MRPL36: variants seen among roughly 807,000 people sequenced by gnomAD.
MRPL36 encodes large ribosomal subunit protein bL36m.
MRPL36 carries 1 observed loss-of-function variant against 2.8 expected under a neutral mutation model. The ratio of observed to expected loss-of-function variants is 0.36; its 90% CI spans 0.13 to 1.69. The LOEUF is 1.69. MRPL36 is among the 40% of genes most tolerant of loss of function. The pLI, the probability that MRPL36 is intolerant of heterozygous loss-of-function variation, is 0.35. For missense variants in MRPL36, 148 were observed against 132.7 expected (o/e 1.12, Z -0.57); for synonymous variants, 68 against 54.8 (o/e 1.24, Z -1.06).
upstream of MRPL36, among the ~76,000 whole-genome samples, chr5:1,800,675 C>T (rs1436792802): frequency 6.6e-6 from 1 of 152,200 alleles, no homozygotes; most frequent in Non-Finnish European, 1.5e-5. Flanking sequence ...TCACGTGGTC[C>T]TCAGGCTCTG....
chr5:1,799,227 C>T (rs954842998), intron 1 of MRPL36: 2 of 309,458 alleles, frequency 6.5e-6, no homozygotes, highest in African/African-American at 2.1e-5. Flanking sequence ...AGGAGCCGCT[C>T]ACTTGGCTGG....
upstream of MRPL36, chr5:1,801,366 T>A: frequency 1.9e-6 from 3 of 1,584,586 alleles, no homozygotes; most frequent in Non-Finnish European, 2.6e-6. Flanking sequence ...GCCGTGCGCA[T>A]GCGTTAGCGC....
chr5:1,801,313 C>CT, upstream of MRPL36: 1 of 1,480,446 alleles, frequency 6.8e-7, no homozygotes, highest in Non-Finnish European at 9.0e-7. Flanking sequence ...GCGCTCCCCG[C>CT]CCCCAGGGCG....
upstream of MRPL36, among the ~76,000 whole-genome samples, chr5:1,801,100 C>CT (rs1231763789): frequency 6.6e-6 from 1 of 152,258 alleles, no homozygotes; most frequent in Non-Finnish European, 1.5e-5. Flanking sequence ...CATCAGGGCC[C>CT]TAGCTCTAGC....
upstream of MRPL36, among the ~76,000 whole-genome samples, chr5:1,800,689 A>C (rs902402183): frequency 3.3e-5 from 5 of 152,224 alleles, no homozygotes; most frequent in African/African-American, 1.2e-4. Context: ...GGCTCTGACC[A>C]CAGCAAAAGA....
upstream of MRPL36, chr5:1,801,302 C>G: frequency 1.5e-6 from 2 of 1,348,940 alleles, no homozygotes; most frequent in Non-Finnish European, 1.9e-6. Flanking sequence ...TGCCCCGACC[C>G]GCGCTCCCCG....
chr5:1,801,090 C>A (rs1196014886), upstream of MRPL36, among the ~76,000 whole-genome samples: 1 of 152,262 alleles, frequency 6.6e-6, no homozygotes, highest in Non-Finnish European at 1.5e-5. Context: ...TTGCCTGCCT[C>A]ATCAGGGCCC....
In MRPL36 at chr5:1,798,614, G is replaced by A. The variant is rs778703689; in HGVS notation, c.*10C>T. 1 of 1,596,434 alleles carries A rather than the reference G, an allele frequency of 6.3e-7. No individual in the cohort carries two copies. Among genetic ancestry groups the A allele is most frequent in the Non-Finnish European group, 8.6e-7 (1 of 1,165,530 alleles). On this transcript the variant is annotated 3_prime_UTR_variant, in exon 2 of 2. Coordinates refer to ENST00000505059, the MANE Select transcript of MRPL36 (RefSeq NM_032479.4). The stretch of plus-strand genomic sequence containing the variant: ...TGACGAGTATGTGCGTGACTCTGGA[G>A]GGAAAGGGTCTACATCTGTCTCTGC...
intron 1 of MRPL36, 37 bp from the exon 2 acceptor site, chr5:1,798,984 C>T: frequency 6.8e-7 from 1 of 1,472,894 alleles, no homozygotes; most frequent in Non-Finnish European, 9.2e-7. Context: ...ATAGCTTCTC[C>T]TGCACTTCCA....
chr5:1,801,044 C>G (rs1428236275), upstream of MRPL36, among the ~76,000 whole-genome samples: 3 of 152,232 alleles, frequency 2.0e-5, no homozygotes, highest in East Asian at 5.8e-4. Context: ...ATAAGAACCA[C>G]TGGGTACTCC....
chr5:1,798,807 T>A lies in MRPL36; in HGVS notation c.129A>T (p.Glu43Asp). Reference protein sequence around the residue: ...SIRGAAPVAVEPGAAVRSLLS... With the variant: ...SIRGAAPVAVDPGAAVRSLLS... ...GAAGTGAGCGCACTGCTGCCCCGGG[T>A]TCCACAGCCACGGGGGCTGCACCTC... The change falls in exon 2 of 2, where the codon GAA (glutamate) becomes GAT (aspartate). Residue 43 changes from glutamate (E) to aspartate (D), a missense_variant. Transcript: ENST00000505059. 1 of 1,614,030 alleles carries A rather than the reference T, an allele frequency of 6.2e-7. No individual in the cohort carries two copies. Among genetic ancestry groups the A allele is most frequent in the Non-Finnish European group, 8.5e-7 (1 of 1,179,988 alleles).
chr5:1,798,847 A>G lies in MRPL36; in HGVS notation c.89T>C (p.Leu30Pro). Residue 30 changes from leucine (L) to proline (P), a missense_variant, in exon 2 of 2, where the codon CTA (leucine) becomes CCA (proline). Leu to Pro is a moderately conservative substitution (Grantham distance 98, BLOSUM62 -3). Transcript: ENST00000505059. ...GGCTGCACCTCGAATGGATCCAAATAGAAATGTGGAGAGGGCTCGAGGCTT... is the reference window on the plus strand; with the variant it reads ...GGCTGCACCTCGAATGGATCCAAATGGAAATGTGGAGAGGGCTCGAGGCTT... Reference protein sequence around the residue: ...TVKPRALSTFLFGSIRGAAPV... With the variant: ...TVKPRALSTFPFGSIRGAAPV... 1.2e-6 allele frequency: 2 copies of G among 1,613,944 alleles called. No individual in the cohort carries two copies. The highest frequency in any genetic ancestry group is 1.7e-6 in the Non-Finnish European group (2 of 1,179,880).
chr5:1,799,157 C>T, intron 1 of MRPL36: 1 of 494,284 alleles, frequency 2.0e-6, no homozygotes, highest in Non-Finnish European at 3.6e-6. Context: ...TGGACGGTGG[C>T]TTCCTTCCCT....
chr5:1,801,231 G>A, upstream of MRPL36: 2 of 831,040 alleles, frequency 2.4e-6, no homozygotes. Flanking sequence ...CATTTTTAGC[G>A]AGATACCTGG....
chr5:1,800,237 CCAA>C (rs2111340610), upstream of MRPL36, among the ~76,000 whole-genome samples: 1 of 152,202 alleles, frequency 6.6e-6, no homozygotes, highest in East Asian at 1.9e-4. Context: ...GCTGTTTTCC[CCAA>C]CATTATGAAA....
chr5:1,801,308 C>CCT (rs1307152344), upstream of MRPL36: 21 of 1,379,542 alleles, frequency 1.5e-5, no homozygotes, highest in Admixed American at 4.6e-4. Flanking sequence ...GACCCGCGCT[C>CCT]CCCGCCCCCA....
upstream of MRPL36, among the ~76,000 whole-genome samples, chr5:1,800,807 T>C (rs1365464603): frequency 1.3e-5 from 2 of 152,210 alleles, no homozygotes; most frequent in Non-Finnish European, 2.9e-5. Flanking sequence ...GTCGGTGTAC[T>C]AGGCTTTGTT....
At position 1,798,830 on chromosome 5, in the gene MRPL36, C is replaced by T; in HGVS notation, c.106G>A (p.Gly36Ser). Residue 36 changes from glycine to serine, a missense_variant, in exon 2 of 2, where the codon GGT becomes AGT. By Grantham distance (56) the Gly-to-Ser change is moderately conservative. Coordinates refer to ENST00000505059, the MANE Select transcript of MRPL36 (RefSeq NM_032479.4). ...LSTFLFGSIRGAAPVAVEPGA... is the reference protein window; with the variant it reads ...LSTFLFGSIRSAAPVAVEPGA... ...GGTTCCACAGCCACGGGGGCTGCACCTCGAATGGATCCAAATAGAAATGTG... is the reference window on the plus strand; with the variant it reads ...GGTTCCACAGCCACGGGGGCTGCACTTCGAATGGATCCAAATAGAAATGTG... 6.2e-7 allele frequency: 1 copy of T among 1,614,092 alleles called. No homozygotes were observed. Among genetic ancestry groups the T allele is most frequent in the Non-Finnish European group, 8.5e-7 (1 of 1,180,030 alleles).
chr5:1,801,313 C>CTG (rs34372448), upstream of MRPL36: 10 of 1,480,362 alleles, frequency 6.8e-6, no homozygotes, highest in Non-Finnish European at 9.0e-6. Context: ...GCGCTCCCCG[C>CTG]CCCCAGGGCG....
Sources: allele counts gnomAD v4.1 joint callset (sites outside exome capture counted in the v4.1 genomes callset), GRCh38; gene constraint gnomAD v4.1.1; transcripts MANE v1.5; gene names NCBI Gene and HGNC (gene_info 2026-07-23, HGNC 2026-07-21).